Variants in TASP1 observed in about 807,000 individuals in gnomAD.
TASP1 encodes taspase 1.
In TASP1, 16 loss-of-function variants were observed where a neutral mutation model predicts 56.6. The observed-to-expected ratio is 0.28, with a 90% CI of 0.19 to 0.43. The LOEUF (loss-of-function observed/expected upper bound fraction) is 0.43. Ranked by LOEUF, TASP1 falls within the 20% of genes least tolerant of loss-of-function variation. TASP1 has a pLI of 1.00. For synonymous variants in TASP1, 179 were observed against 184.2 expected (o/e 0.97, Z 0.23); for missense variants, 393 against 511.6 (o/e 0.77, Z 2.24).
the TASP1 span, among the ~76,000 whole-genome samples, chr20:13,209,687 A>T: frequency 2.0e-5 from 3 of 152,204 alleles, no homozygotes; most frequent in African/African-American, 7.2e-5. Flanking sequence ...TCTAAAAAAA[A>T]TCTGCCATTT....
At chr20:13,599,664 C>G (rs2047881854) in intron 4 of TASP1, among the ~76,000 whole-genome samples, 1 of 151,290 alleles carries the variant, frequency 6.6e-6, no homozygotes, top group Non-Finnish European at 1.5e-5. Context: ...TACCCTAGAA[C>G]TTAAAGTATA....
chr20:13,561,319 T>G (rs1601250375), intron 7 of TASP1, among the ~76,000 whole-genome samples: 1 of 152,128 alleles, frequency 6.6e-6, no homozygotes, highest in Admixed American at 6.6e-5. Flanking sequence ...CTAGTCTTAC[T>G]GTAATTTTGG....
intron 11 of TASP1, among the ~76,000 whole-genome samples, chr20:13,449,844 TAGGG>T (rs2043550096): frequency 6.6e-6 from 1 of 152,118 alleles, no homozygotes; most frequent in South Asian, 2.1e-4. Flanking sequence ...AACCCTATAA[TAGGG>T]AGTCACCCAT....
At chr20:13,177,875 CA>C in the TASP1 span, among the ~76,000 whole-genome samples, 1 of 152,070 alleles carries the variant, frequency 6.6e-6, no homozygotes, top group Non-Finnish European at 1.5e-5. Context: ...TATAAGTCCT[CA>C]AAAGCACAGG....
At chr20:13,560,538 T>C (rs1275624342) in intron 7 of TASP1, among the ~76,000 whole-genome samples, 1 of 152,106 alleles carries the variant, frequency 6.6e-6, no homozygotes, top group Non-Finnish European at 1.5e-5. Flanking sequence ...CTGAGTCCAT[T>C]ACTCCCTCTA....
At chr20:13,135,465 T>C in the TASP1 span, among the ~76,000 whole-genome samples, 1 of 152,216 alleles carries the variant, frequency 6.6e-6, no homozygotes. Flanking sequence ...AAAAAGATGA[T>C]CTGCTTAACC....
the TASP1 span, among the ~76,000 whole-genome samples, chr20:13,111,637 T>C: frequency 1.3e-5 from 2 of 152,182 alleles, no homozygotes; most frequent in East Asian, 1.9e-4. Context: ...TTTTTCCCTG[T>C]GTGATTTGTG....
At chr20:13,448,408 T>A (rs1303807578) in intron 11 of TASP1, among the ~76,000 whole-genome samples, 2 of 152,130 alleles carry the variant, frequency 1.3e-5, no homozygotes, top group African/African-American at 2.4e-5. Flanking sequence ...TTCCACATTA[T>A]CTTAAACATC....
chr20:13,124,178 T>C, the TASP1 span, among the ~76,000 whole-genome samples: 2 of 152,330 alleles, frequency 1.3e-5, no homozygotes, highest in Admixed American at 1.3e-4. Context: ...TAATTTCATT[T>C]ATATAAATGG....
chr20:13,220,353 A>G, the TASP1 span, among the ~76,000 whole-genome samples: 2 of 152,220 alleles, frequency 1.3e-5, no homozygotes, highest in African/African-American at 4.8e-5. Context: ...GCCGGATCCC[A>G]GAGCCCTTCC....
At chr20:13,378,617 C>T in the TASP1 span, among the ~76,000 whole-genome samples, 2 of 152,016 alleles carry the variant, frequency 1.3e-5, no homozygotes, top group Admixed American at 1.3e-4. Flanking sequence ...GAGTTCGAGT[C>T]CTGAATATCC....
the TASP1 span, among the ~76,000 whole-genome samples, chr20:13,286,513 A>G: frequency 2.6e-5 from 4 of 152,220 alleles, no homozygotes; most frequent in Non-Finnish European, 2.9e-5. Context: ...TTGGAAAACC[A>G]TTTCTTAGGA....
chr20:13,353,489 A>G, the TASP1 span, among the ~76,000 whole-genome samples: 173 of 152,242 alleles, frequency 1.1e-3, no homozygotes, highest in African/African-American at 3.8e-3. Context: ...ACACACATTA[A>G]GTAAATAAAT....
intron 12 of TASP1, among the ~76,000 whole-genome samples, chr20:13,427,874 A>G (rs1372541426): frequency 6.6e-6 from 1 of 152,230 alleles, no homozygotes; most frequent in Non-Finnish European, 1.5e-5. Context: ...AATTATCAGC[A>G]TTATGAACAC....
At chr20:13,502,808 G>A (rs913884132) in intron 10 of TASP1, among the ~76,000 whole-genome samples, 2 of 152,126 alleles carry the variant, frequency 1.3e-5, no homozygotes, top group Non-Finnish European at 2.9e-5. Context: ...TACATCTGTG[G>A]GAGTCCAGAG....
At chr20:13,582,587 A>C (rs1220607135) in intron 5 of TASP1, among the ~76,000 whole-genome samples, 2 of 152,232 alleles carry the variant, frequency 1.3e-5, no homozygotes, top group Non-Finnish European at 2.9e-5. Flanking sequence ...TCTAATTAAA[A>C]AACAGTGGTT....
the TASP1 span, chr20:13,292,250 G>A: frequency 1.6e-6 from 1 of 636,828 alleles, no homozygotes; most frequent in East Asian, 2.8e-5. Context: ...GCAAGTTTCT[G>A]CCCGTGAGTA....
the TASP1 span, among the ~76,000 whole-genome samples, chr20:13,211,269 G>A: frequency 5.5e-4 from 83 of 152,194 alleles, no homozygotes; most frequent in Non-Finnish European, 1.1e-3. Flanking sequence ...TTTATTTTCA[G>A]TTTACAGTAA....
chr20:13,556,683 G>A (rs887839564), intron 8 of TASP1, among the ~76,000 whole-genome samples: 5 of 152,122 alleles, frequency 3.3e-5, no homozygotes, highest in African/African-American at 4.8e-5. Flanking sequence ...TTCCTGTAAT[G>A]TGCCAAACTC....
Sources: allele counts gnomAD v4.1 joint callset (sites outside exome capture counted in the v4.1 genomes callset), GRCh38; gene constraint gnomAD v4.1.1; transcripts MANE v1.5; gene names NCBI Gene and HGNC (gene_info 2026-07-23, HGNC 2026-07-21).